NELL2: variants seen among roughly 807,000 people sequenced by gnomAD.
NELL2 encodes neural EGFL like 2.
Under a neutral mutation model 109.6 loss-of-function variants are expected in NELL2, and 41 were observed. The ratio of observed to expected loss-of-function variants is 0.37; its 90% CI spans 0.29 to 0.49. The LOEUF (loss-of-function observed/expected upper bound fraction) is 0.49, where lower values mean the gene tolerates loss of function less well. Ranked by LOEUF, NELL2 falls within the 20% of genes least tolerant of loss-of-function variation. The probability of loss-of-function intolerance (pLI) is 0.98; values close to 1 mark genes in which losing one functional copy is unlikely to be tolerated. For synonymous variants in NELL2, 355 were observed against 344.7 expected (o/e 1.03, Z -0.33); for missense variants, 900 against 1,008.3 (o/e 0.89, Z 1.45).
intron 12 of NELL2, among the ~76,000 whole-genome samples, chr12:44,679,781 T>G (rs1176301472): frequency 6.6e-6 from 1 of 152,254 alleles, no homozygotes; most frequent in East Asian, 1.9e-4. Context: ...TTCCCTTTGC[T>G]TACTCTTCTC....
At chr12:44,644,608 GTATATATATATATATATACATACATA>G (rs1947008611) in intron 13 of NELL2, among the ~76,000 whole-genome samples, 3 of 90,830 alleles carry the variant, frequency 3.3e-5, no homozygotes, top group Admixed American at 1.4e-4. Flanking sequence ...ATATATGTAT[GTATATATATATATATATACATACATA>G]TATATATATA....
At chr12:44,728,039 C>T (rs1939172631) in intron 9 of NELL2, among the ~76,000 whole-genome samples, 1 of 151,936 alleles carries the variant, frequency 6.6e-6, no homozygotes, top group Non-Finnish European at 1.5e-5. Flanking sequence ...CACACACACA[C>T]ACAAAATTAT....
At chr12:44,836,039 A>G (rs1944044293) in intron 2 of NELL2, among the ~76,000 whole-genome samples, 1 of 152,180 alleles carries the variant, frequency 6.6e-6, no homozygotes, top group African/African-American at 2.4e-5. Context: ...AGGGGGGTGG[A>G]AGGAGTCTAG....
At position 44,642,779 on chromosome 12, in the gene NELL2, G is replaced by T. The variant is rs1946909648; in HGVS notation, c.1444+22705C>A. 2.6e-5 allele frequency among the ~76,000 whole-genome samples: 4 copies of T among 152,160 alleles called. No homozygotes were observed. In the South Asian group the frequency reaches 8.3e-4, roughly 32 times the overall value. Reference sequence around the variant, plus strand: ...CACCTGTAATCCCAGCTACTTGGGAGGCTGAGGCAGGAGAACCACTGGAAC... The same window carrying T: ...CACCTGTAATCCCAGCTACTTGGGATGCTGAGGCAGGAGAACCACTGGAAC... On this transcript the variant is annotated intron_variant, in intron 13 of 19. Coordinates refer to ENST00000429094, the MANE Select transcript of NELL2 (RefSeq NM_001145108.2).
intron 9 of NELL2, among the ~76,000 whole-genome samples, chr12:44,770,580 T>C (rs1265128657): frequency 6.6e-6 from 1 of 152,226 alleles, no homozygotes; most frequent in Non-Finnish European, 1.5e-5. Context: ...GCACATAGAA[T>C]ATTAAAGTGT....
chr12:44,893,790 C>T (rs1316405590), intron 1 of NELL2, among the ~76,000 whole-genome samples: 2 of 152,176 alleles, frequency 1.3e-5, no homozygotes, highest in Non-Finnish European at 2.9e-5. Context: ...GAAGAATTTT[C>T]TTCCTGCCCT....
At chr12:44,688,665 C>T (rs917422669) in intron 12 of NELL2, among the ~76,000 whole-genome samples, 6 of 152,162 alleles carry the variant, frequency 3.9e-5, no homozygotes, top group Admixed American at 3.9e-4. Flanking sequence ...GCTTGTTTGT[C>T]ACAGATAGAC....
intron 15 of NELL2, among the ~76,000 whole-genome samples, chr12:44,563,163 T>C (rs1192815583): frequency 1.3e-5 from 2 of 151,950 alleles, no homozygotes; most frequent in Non-Finnish European, 2.9e-5. Context: ...GGGCCTGTCA[T>C]GGGGATTGGG....
Position 44,508,739 on chromosome 12 carries a change from G to T in NELL2, c.*195C>A. The T allele has an allele frequency of 3.4e-6, 2 of 588,670 alleles. No homozygotes were observed. The highest frequency in any genetic ancestry group is 6.2e-6 in the Non-Finnish European group (2 of 324,280). 36.5% of individuals were successfully genotyped at this position (588,670 alleles called of 1,614,324 possible). ...GAGACACAGTAGAGGCAGACTTGAG[G>T]TCTAATTTTGCCCCAGTAATTTTCC... On this transcript the variant is annotated 3_prime_UTR_variant, in exon 20 of 20. Coordinates refer to ENST00000429094, the MANE Select transcript of NELL2 (RefSeq NM_001145108.2).
intron 9 of NELL2, among the ~76,000 whole-genome samples, chr12:44,765,092 A>G (rs1350451066): frequency 1.3e-5 from 2 of 152,334 alleles, no homozygotes; most frequent in South Asian, 4.1e-4. Flanking sequence ...GAGCTAAGTG[A>G]CGTGCTCCTG....
chr12:44,530,040 T>C (rs955225219), intron 16 of NELL2, among the ~76,000 whole-genome samples: 1 of 152,156 alleles, frequency 6.6e-6, no homozygotes, highest in Admixed American at 6.6e-5. Context: ...AGAAAATTAA[T>C]ATTATATGGG....
At chr12:44,694,800 A>G (rs1949008614) in intron 12 of NELL2, among the ~76,000 whole-genome samples, 1 of 152,118 alleles carries the variant, frequency 6.6e-6, no homozygotes, top group South Asian at 2.1e-4. Context: ...TGGGTTTGCA[A>G]TCAGAGAATT....
chr12:44,605,017 G>A (rs1222451454), intron 15 of NELL2, among the ~76,000 whole-genome samples: 3 of 152,062 alleles, frequency 2.0e-5, no homozygotes, highest in Non-Finnish European at 4.4e-5. Flanking sequence ...GTGGCTATTC[G>A]CTGAAATAAA....
chr12:44,585,925 T>C (rs926642448), intron 15 of NELL2, among the ~76,000 whole-genome samples: 1 of 151,790 alleles, frequency 6.6e-6, no homozygotes, highest in East Asian at 2.0e-4. Context: ...GTAACCACTA[T>C]GAACTGTTTG....
Position 44,666,006 on chromosome 12 carries a change from C to A in NELL2, c.1319-397G>T, listed in dbSNP as rs1338805567. 3.3e-5 allele frequency among the ~76,000 whole-genome samples: 5 copies of A among 152,220 alleles called. No homozygotes were observed. The South Asian group carries it at 1.0e-3, about 32-fold the overall frequency. On this transcript the variant is annotated intron_variant, in intron 12 of 19. Transcript: ENST00000429094. ...CAGCTATTCTGTACAGTTGAGCAGA[C>A]CCTGAAAGAGGAAAATAAAGTGTTC...
At chr12:44,674,545 T>C (rs1388591434) in intron 12 of NELL2, among the ~76,000 whole-genome samples, 4 of 152,178 alleles carry the variant, frequency 2.6e-5, no homozygotes, top group Non-Finnish European at 5.9e-5. Context: ...TAATTAGCAT[T>C]TGTGCAGGAA....
At chr12:44,604,622 A>G (rs529872714) in intron 15 of NELL2, among the ~76,000 whole-genome samples, 1 of 152,262 alleles carries the variant, frequency 6.6e-6, no homozygotes, top group South Asian at 2.1e-4. Context: ...TACATCCTGT[A>G]CCCTCATGAG....
At chr12:44,776,259 T>C in intron 7 of NELL2, 109 bp from the exon 8 acceptor site, 2 of 1,064,810 alleles carry the variant, frequency 1.9e-6, no homozygotes. Flanking sequence ...TGATGATGGC[T>C]GTGCTTATCA....
chr12:44,508,695 T>C lies in NELL2; in HGVS notation c.*239A>G, dbSNP rs1415915716. Reference sequence around the variant, plus strand: ...TGTCACGGTATATACTGTACGCCCATTCTTCTACATGGTGATGTGAGACAC... The same window carrying C: ...TGTCACGGTATATACTGTACGCCCACTCTTCTACATGGTGATGTGAGACAC... On this transcript the variant is annotated 3_prime_UTR_variant, in exon 20 of 20. Coordinates refer to ENST00000429094, the MANE Select transcript of NELL2 (RefSeq NM_001145108.2). 1 of 512,216 alleles carries C rather than the reference T, an allele frequency of 2.0e-6. No individual in the cohort carries two copies. Among genetic ancestry groups the C allele is most frequent in the Non-Finnish European group, 3.6e-6 (1 of 281,542 alleles). 31.7% of individuals were successfully genotyped at this position (512,216 alleles called of 1,614,324 possible).
Sources: allele counts gnomAD v4.1 joint callset (sites outside exome capture counted in the v4.1 genomes callset), GRCh38; gene constraint gnomAD v4.1.1; transcripts MANE v1.5; gene names NCBI Gene and HGNC (gene_info 2026-07-23, HGNC 2026-07-21).